NLGN1: variants seen among roughly 807,000 people sequenced by gnomAD.
NLGN1 encodes the protein neuroligin 1.
Under a neutral mutation model 65.5 loss-of-function variants are expected in NLGN1, and 12 were observed. That is an observed-to-expected ratio of 0.18 (90% CI 0.12 to 0.30). The LOEUF is 0.30. NLGN1 is among the 10% of genes least tolerant of loss of function. NLGN1 has a pLI of 1.00. For synonymous variants in NLGN1, 350 were observed against 359.5 expected, an observed-to-expected ratio of 0.97 and a Z score of 0.30; for missense variants, 750 against 1,007.1, an observed-to-expected ratio of 0.74 and a Z score of 3.46.
rs531185205 is a variant in NLGN1, at chr3:174,049,927, C to A, written c.647-225388C>A. 2.6e-5 allele frequency among the ~76,000 whole-genome samples: 4 copies of A among 151,748 alleles called. No homozygotes were observed. In the East Asian group the frequency reaches 7.8e-4, roughly 30 times the overall value. Reference sequence around the variant, plus strand: ...GGAAGGGAAATAGATGAGGATAATGCGTTTGGGAGTTAAGACTGATAAAAG... The same window carrying A: ...GGAAGGGAAATAGATGAGGATAATGAGTTTGGGAGTTAAGACTGATAAAAG... On this transcript the variant is annotated intron_variant, in intron 4 of 6. Transcript: ENST00000457714.
At chr3:173,444,026 A>G (rs569714) in intron 2 of NLGN1, among the ~76,000 whole-genome samples, 120,366 of 152,128 alleles carry the variant, frequency 0.79, 48,672 homozygotes, top group East Asian at 0.97. Flanking sequence ...TGTGATATCT[A>G]TGTATAATTT....
intron 3 of NLGN1, among the ~76,000 whole-genome samples, chr3:173,718,976 A>G (rs1770347012): frequency 6.6e-6 from 1 of 152,156 alleles, no homozygotes; most frequent in African/African-American, 2.4e-5. Flanking sequence ...ACATAATGAA[A>G]TCCACTTTTC....
At chr3:173,510,293 A>G (rs899105176) in intron 2 of NLGN1, among the ~76,000 whole-genome samples, 1 of 152,180 alleles carries the variant, frequency 6.6e-6, no homozygotes, top group African/African-American at 2.4e-5. Context: ...TTAACTTAAT[A>G]CTGCACTCTT....
At chr3:173,456,153 G>A (rs1722484490) in intron 2 of NLGN1, among the ~76,000 whole-genome samples, 1 of 151,960 alleles carries the variant, frequency 6.6e-6, no homozygotes, top group African/African-American at 2.4e-5. Flanking sequence ...CCAGATATTC[G>A]GGCACACTTG....
chr3:173,951,730 G>A (rs1209800981), intron 4 of NLGN1, among the ~76,000 whole-genome samples: 1 of 151,920 alleles, frequency 6.6e-6, no homozygotes, highest in African/African-American at 2.4e-5. Context: ...CAAAGTGCTG[G>A]GATTACAGCC....
intron 4 of NLGN1, among the ~76,000 whole-genome samples, chr3:174,097,835 A>G (rs569712356): frequency 2.3e-4 from 35 of 152,320 alleles, no homozygotes; most frequent in African/African-American, 7.7e-4. Flanking sequence ...GATACTGCTC[A>G]TTATCACTCC....
intron 4 of NLGN1, among the ~76,000 whole-genome samples, chr3:173,837,958 T>A (rs1450464011): frequency 1.3e-5 from 2 of 152,204 alleles, no homozygotes; most frequent in Non-Finnish European, 1.5e-5. Context: ...TATAAACTTG[T>A]ATGTTTGAAG....
At chr3:173,813,788 AG>A (rs2150489552) in intron 4 of NLGN1, among the ~76,000 whole-genome samples, 1 of 152,350 alleles carries the variant, frequency 6.6e-6, no homozygotes, top group African/African-American at 2.4e-5. Flanking sequence ...AATCACAAAA[AG>A]GAAACAAACA....
chr3:173,945,663 A>G (rs13064664), intron 4 of NLGN1, among the ~76,000 whole-genome samples: 33,157 of 152,132 alleles, frequency 0.22, 4,103 homozygotes, highest in Non-Finnish European at 0.28. Context: ...TACTCTTAAC[A>G]AATATTAACA....
Position 173,620,591 on chromosome 3 carries a change from C to T in NLGN1, c.493+15500C>T, listed in dbSNP as rs553160025. On this transcript the variant is annotated intron_variant, in intron 3 of 6. Coordinates refer to ENST00000457714, the Ensembl canonical transcript of NLGN1. ...ACCAGAAAATAAACAGAAGGGCAGG[C>T]TGGAATACTGAACAAATTTTTAATC... Among the ~76,000 whole-genome samples, 3 of 152,110 alleles carry T rather than the reference C, an allele frequency of 2.0e-5. No homozygotes were observed. In the South Asian group the frequency reaches 6.2e-4, roughly 32 times the overall value.
At chr3:173,512,832 C>G (rs1733204018) in intron 2 of NLGN1, among the ~76,000 whole-genome samples, 1 of 152,034 alleles carries the variant, frequency 6.6e-6, no homozygotes, top group African/African-American at 2.4e-5. Context: ...TTCATTTTTG[C>G]CTTTAGTATG....
intron 4 of NLGN1, among the ~76,000 whole-genome samples, chr3:174,231,228 G>A (rs976746553): frequency 1.3e-5 from 2 of 152,212 alleles, no homozygotes; most frequent in Non-Finnish European, 2.9e-5. Context: ...GAAGTTAAGT[G>A]AGTAATGAAT....
At chr3:173,499,202 C>T (rs1420510160) in intron 2 of NLGN1, among the ~76,000 whole-genome samples, 6 of 151,734 alleles carry the variant, frequency 4.0e-5, no homozygotes, top group East Asian at 1.9e-4. Flanking sequence ...AACATTTAAG[C>T]CTTTAATCCA....
intron 4 of NLGN1, among the ~76,000 whole-genome samples, chr3:173,918,023 C>A (rs536040739): frequency 6.6e-6 from 1 of 152,150 alleles, no homozygotes; most frequent in East Asian, 1.9e-4. Context: ...AGAACACGTA[C>A]CTCTAAGGCT....
In NLGN1 at chr3:173,609,485, CTATT is replaced by C. The variant is rs1349385676; in HGVS notation, c.493+4397_493+4400del. On this transcript the variant is annotated intron_variant, in intron 3 of 6. Transcript: ENST00000457714. ...ACAGGTTTTTGGTTTGTCTGGTTGT[CTATT>C]TAACATAGGGACTGATTTTTTCCTA... is the stretch of plus-strand genomic sequence containing the variant. Among the ~76,000 whole-genome samples the C allele has an allele frequency of 7.9e-5, 12 of 151,956 alleles. No individual in the cohort carries two copies. In the South Asian group the frequency reaches 1.9e-3, roughly 24 times the overall value.
chr3:173,747,801 C>CTTTTT (rs749749824), intron 3 of NLGN1, among the ~76,000 whole-genome samples: 886 of 64,386 alleles, frequency 0.014, 162 homozygotes, highest in African/African-American at 0.033. Flanking sequence ...TCTTCTTGTT[C>CTTTTT]TTTTTTTTTT....
intron 4 of NLGN1, among the ~76,000 whole-genome samples, chr3:173,835,368 A>T (rs1293675526): frequency 6.6e-6 from 1 of 152,122 alleles, no homozygotes; most frequent in Non-Finnish European, 1.5e-5. Flanking sequence ...TTTACTCTGC[A>T]CTTGATAAGA....
chr3:174,224,886 A>G (rs1739325474), intron 4 of NLGN1, among the ~76,000 whole-genome samples: 1 of 152,098 alleles, frequency 6.6e-6, no homozygotes, highest in Non-Finnish European at 1.5e-5. Context: ...AGTCCAACAC[A>G]CTCAGTTTAG....
At chr3:173,815,220 C>T (rs1475519542) in intron 4 of NLGN1, among the ~76,000 whole-genome samples, 1 of 151,764 alleles carries the variant, frequency 6.6e-6, no homozygotes, top group Non-Finnish European at 1.5e-5. Flanking sequence ...AAGCAATTCT[C>T]CTGACTCAGC....
Sources: gnomAD v4.1 joint callset for allele counts (sites outside exome capture counted in the v4.1 genomes callset) on GRCh38, gnomAD v4.1.1 for gene constraint, MANE v1.5 for transcripts, NCBI Gene and HGNC (gene_info 2026-07-23, HGNC 2026-07-21) for gene names.